NBN: variants seen among roughly 807,000 people sequenced by gnomAD.
The protein encoded by NBN is Nijmegen breakage syndrome 1 (nibrin).
Under a neutral mutation model 90.8 loss-of-function variants are expected in NBN, and 88 were observed. That is an observed-to-expected ratio of 0.97 (90% CI 0.82 to 1.16). The LOEUF (loss-of-function observed/expected upper bound fraction) is 1.16. Ranked by LOEUF, NBN falls within the 50% of genes most tolerant of loss-of-function variation. The pLI, the probability that NBN is intolerant of heterozygous loss-of-function variation, is 0.00. For missense variants in NBN, 894 were observed against 869.6 expected (o/e 1.03, Z -0.35); for synonymous variants, 328 against 295.1 (o/e 1.11, Z -1.14).
At chr8:89,957,593 T>C (rs903544513) in intron 9 of NBN, among the ~76,000 whole-genome samples, 7 of 152,208 alleles carry the variant, frequency 4.6e-5, no homozygotes, top group African/African-American at 1.7e-4. Context: ...ACTCATTGAC[T>C]TACCCAGAAC....
In NBN at chr8:89,934,138, A is replaced by G; in HGVS notation, c.*1444T>C. 4.3e-6 allele frequency: 1 copy of G among 230,836 alleles called. No homozygotes were observed. Among genetic ancestry groups the G allele is most frequent in the Non-Finnish European group, 8.6e-6 (1 of 116,612 alleles). 14.3% of individuals were successfully genotyped at this position (230,836 alleles called of 1,614,324 possible). A position where few individuals can be genotyped will look rare whatever the true frequency, so the allele number is the denominator to read the frequency against. On this transcript the variant is annotated 3_prime_UTR_variant, in exon 16 of 16. Transcript: ENST00000265433. ...ATTATATTCCTTAACTGTAAAATGGAGACCATATGTTCCACCAGCTTCACT... is the reference window on the plus strand; with the variant it reads ...ATTATATTCCTTAACTGTAAAATGGGGACCATATGTTCCACCAGCTTCACT...
chr8:89,972,439 C>T (rs1021589400), intron 5 of NBN, among the ~76,000 whole-genome samples: 4 of 152,220 alleles, frequency 2.6e-5, no homozygotes, highest in African/African-American at 9.6e-5. Flanking sequence ...ATGCAGGCAA[C>T]TGCGTTAGTT....
chr8:89,971,838 T>C (rs993314487), intron 5 of NBN, among the ~76,000 whole-genome samples: 4 of 152,232 alleles, frequency 2.6e-5, no homozygotes, highest in Non-Finnish European at 1.5e-5. Context: ...TTTAGCTCTT[T>C]AATTTAATGC....
chr8:89,972,382 C>A (rs1223178151), intron 5 of NBN, among the ~76,000 whole-genome samples: 1 of 152,230 alleles, frequency 6.6e-6, no homozygotes, highest in African/African-American at 2.4e-5. Context: ...GCTGCAATCT[C>A]AAATGAGTTA....
intron 4 of NBN, among the ~76,000 whole-genome samples, chr8:89,979,917 T>G (rs945769964): frequency 6.6e-6 from 1 of 152,230 alleles, no homozygotes; most frequent in Admixed American, 6.5e-5. Flanking sequence ...AAGTAATATC[T>G]TAAAGAGGAC....
At chr8:89,948,098 T>C (rs955804117) in intron 11 of NBN, among the ~76,000 whole-genome samples, 2 of 152,178 alleles carry the variant, frequency 1.3e-5, no homozygotes, top group African/African-American at 4.8e-5. Context: ...TTGAAAGAGA[T>C]ACTGCAGTAT....
rs1057517075 is a variant in NBN at position 89,946,137 on chromosome 8, TA to T, written c.2070+2del. ...CCTCTTGTGATACAGTTGAAATACC[TA>T]CCTTTTTGAATTTCTTGAAATTTTT... On this transcript the variant is annotated splice_donor_variant, in intron 13 of 15. Coordinates refer to ENST00000265433, the MANE Select transcript of NBN (RefSeq NM_002485.5). LOFTEE classifies it high-confidence loss of function. 1.3e-6 allele frequency: 2 copies of T among 1,565,700 alleles called. No individual in the cohort carries two copies. The highest frequency in any genetic ancestry group is 1.8e-6 in the Non-Finnish European group (2 of 1,138,128).
rs114910868 is a variant in NBN at position 89,959,043 on chromosome 8, G to A, written c.995-189C>T. Reference sequence around the variant, plus strand: ...TAAGCAGCCTGCGGGCATCTATGACGGGCTTATCTAAACCAAATCATTTTA... The same window carrying A: ...TAAGCAGCCTGCGGGCATCTATGACAGGCTTATCTAAACCAAATCATTTTA... On this transcript the variant is annotated intron_variant, in intron 8 of 15. Transcript: ENST00000265433. 2.1e-3 allele frequency among the ~76,000 whole-genome samples: 320 copies of A among 152,240 alleles called. 2 individuals carry two copies. Among genetic ancestry groups the A allele is most frequent in the African/African-American group, 6.9e-3 (286 of 41,524 alleles).
intron 4 of NBN, 34 bp from the exon 5 acceptor site, chr8:89,978,357 C>T (rs367769892): frequency 6.5e-7 from 1 of 1,547,568 alleles, no homozygotes. Context: ...TATATATATT[C>T]ACATGCTAGC....
chr8:89,951,311 C>CAA (rs71268296), intron 11 of NBN, among the ~76,000 whole-genome samples: 3,847 of 68,134 alleles, frequency 0.056, 230 homozygotes, highest in South Asian at 0.11. Context: ...GACTCTGTCT[C>CAA]AAAAAAAAAA....
intron 8 of NBN, among the ~76,000 whole-genome samples, chr8:89,961,101 G>C (rs1310379639): frequency 6.6e-6 from 1 of 152,152 alleles, no homozygotes; most frequent in Non-Finnish European, 1.5e-5. Context: ...CCAAATTTTA[G>C]AACTGGCTTG....
intron 5 of NBN, among the ~76,000 whole-genome samples, chr8:89,973,320 A>G (rs1811597416): frequency 6.6e-6 from 1 of 152,260 alleles, no homozygotes; most frequent in Non-Finnish European, 1.5e-5. Flanking sequence ...AATTCCCTCA[A>G]GTATAGATTT....
intron 11 of NBN, among the ~76,000 whole-genome samples, chr8:89,951,673 C>T (rs1158128635): frequency 2.0e-5 from 3 of 152,050 alleles, no homozygotes; most frequent in African/African-American, 4.8e-5. Context: ...GTAGGAATTG[C>T]GACAGAAGTG....
At chr8:89,971,416 A>C (rs1028213457) in intron 5 of NBN, 126 bp from the exon 6 acceptor site, 72 of 1,147,160 alleles carry the variant, frequency 6.3e-5, no homozygotes, top group Non-Finnish European at 7.9e-5. Flanking sequence ...ATTTTTTTTA[A>C]GTAAGAATTT....
rs864622077 is a variant in NBN at position 89,958,829 on chromosome 8, T to C, written c.1020A>G (p.Pro340=). 1.8e-5 allele frequency: 29 copies of C among 1,613,796 alleles called. No homozygotes were observed. In the Admixed American group the frequency reaches 3.5e-4, roughly 19 times the overall value. ...CAACTGACACGCCTTGTGAAAGGCT[T>C]GGTCCTGGAGTTGTTGTCTTTAATC... ...STGLKTTTPG[P]SLSQGVSVDE... is the part of the protein sequence containing the mutation. The change falls in exon 9 of 16, where the codon CCA becomes CCG. Residue 340 remains proline, a synonymous_variant. Coordinates refer to ENST00000265433, the MANE Select transcript of NBN (RefSeq NM_002485.5).
chr8:89,979,804 G>A (rs998160448), intron 4 of NBN, among the ~76,000 whole-genome samples: 3 of 152,220 alleles, frequency 2.0e-5, no homozygotes, highest in African/African-American at 7.2e-5. Flanking sequence ...GAAGTGTCCA[G>A]GTCTGTCACA....
At chr8:89,973,256 A>C (rs1811594741) in intron 5 of NBN, among the ~76,000 whole-genome samples, 2 of 152,224 alleles carry the variant, frequency 1.3e-5, no homozygotes, top group African/African-American at 4.8e-5. Flanking sequence ...ACAAAATATA[A>C]ATAAAAATTC....
rs763569098 is a variant in NBN at position 89,962,234 on chromosome 8, T to C, written c.994+2176A>G. Among the ~76,000 whole-genome samples, 49 of 152,334 alleles carry C rather than the reference T, an allele frequency of 3.2e-4. No homozygotes were observed. The Middle Eastern group carries it at 0.02, about 63-fold the overall frequency. On this transcript the variant is annotated intron_variant, in intron 8 of 15. Transcript: ENST00000265433. Reference sequence around the variant, plus strand: ...GAATCATGGACAATGTACGTTTGTATTCAGAATTGTTTCTGAAGCATATAT... The same window carrying C: ...GAATCATGGACAATGTACGTTTGTACTCAGAATTGTTTCTGAAGCATATAT...
intron 3 of NBN, 56 bp downstream of exon 3, chr8:89,981,319 T>C (rs964584598): frequency 2.6e-6 from 4 of 1,518,386 alleles, no homozygotes; most frequent in Non-Finnish European, 3.7e-6. Context: ...CATTTTCCTT[T>C]AGGATTTGGC....
Sources: allele counts gnomAD v4.1 joint callset (sites outside exome capture counted in the v4.1 genomes callset), GRCh38; gene constraint gnomAD v4.1.1; transcripts MANE v1.5; gene names NCBI Gene and HGNC (gene_info 2026-07-23, HGNC 2026-07-21).